The following LARP6 variants were observed in gnomAD, a reference collection of about 807,000 sequenced individuals.
The protein encoded by LARP6 is La ribonucleoprotein 6, translational regulator.
A neutral mutation model predicts 32.8 loss-of-function variants in LARP6; 18 were observed. The ratio of observed to expected loss-of-function variants is 0.55; its 90% confidence interval spans 0.38 to 0.81. The LOEUF is 0.81. Ranked by LOEUF, LARP6 falls within the 40% of genes least tolerant of loss-of-function variation. The pLI, the probability that LARP6 is intolerant of heterozygous loss-of-function variation, is 0.00. For missense variants in LARP6, 598 were observed against 663.1 expected, an observed-to-expected ratio of 0.90 and a Z score of 1.08; for synonymous variants, 289 against 267.2, an observed-to-expected ratio of 1.08 and a Z score of -0.80.
intron 1 of LARP6, among the ~76,000 whole-genome samples, chr15:70,841,997 T>A (rs1387665206): frequency 6.6e-6 from 1 of 152,082 alleles, no homozygotes; most frequent in Non-Finnish European, 1.5e-5. Context: ...GACTTACTCT[T>A]TTCTGATTCT....
In LARP6 at chr15:70,853,924, G is replaced by A; in HGVS notation, c.165C>T (p.Gly55=). 2.8e-6 allele frequency: 4 copies of A among 1,407,690 alleles called. No individual in the cohort carries two copies. The highest frequency in any genetic ancestry group is 3.1e-5 in the East Asian group (1 of 31,992). The allele number at this position is 1,407,690 out of a possible 1,614,324, so 87.2% of individuals were successfully genotyped here. ...GGCTCGGCTCCTCCTCGCTCGCGCT[G>A]CCCCAGCCGGGGCTGAGGTACCGGG... ...DPARYLSPGW[G]SASEEEPSRG... is the part of the protein sequence containing the mutation. Residue 55 remains glycine (G), a synonymous_variant, in exon 1 of 3, where the codon GGC becomes GGT. Transcript: ENST00000299213.
At chr15:70,848,807 A>C (rs2032393960) in intron 1 of LARP6, 1 of 152,180 alleles carries the variant, frequency 6.6e-6, no homozygotes, top group Non-Finnish European at 1.5e-5. Flanking sequence ...TCCCAAAAAC[A>C]TCATGGAAAA....
At chr15:70,842,167 TC>T (rs2032269851) in intron 1 of LARP6, among the ~76,000 whole-genome samples, 2 of 152,092 alleles carry the variant, frequency 1.3e-5, no homozygotes, top group Admixed American at 6.6e-5. Flanking sequence ...CATCTCAGCC[TC>T]CCAAGTAGCT....
rs1019905321 is a variant in LARP6, at chr15:70,829,693, A to G, written c.*2359T>C. 6.6e-6 allele frequency: 1 copy of G among 151,998 alleles called. No individual in the cohort carries two copies. Among genetic ancestry groups the G allele is most frequent in the African/African-American group, 2.4e-5 (1 of 41,426 alleles). 9.4% of individuals were successfully genotyped at this position (151,998 alleles called of 1,614,324 possible). A position where few individuals can be genotyped will look rare whatever the true frequency, so the allele number is the denominator to read the frequency against. ...AAATAAATGACTTGCTGAAGGTCAC[A>G]GTTGCTTAGTAGAAAAGCCACGACT... On this transcript the variant is annotated 3_prime_UTR_variant, in exon 3 of 3. Coordinates refer to ENST00000299213, the MANE Select transcript of LARP6 (RefSeq NM_018357.4).
In LARP6 at chr15:70,836,292, C is replaced by T; in HGVS notation, c.411+3G>A. 1.2e-6 allele frequency: 2 copies of T among 1,613,744 alleles called. No homozygotes were observed. Among genetic ancestry groups the T allele is most frequent in the Non-Finnish European group, 1.7e-6 (2 of 1,179,604 alleles). On this transcript the variant is annotated splice_donor_region_variant and intron_variant, in intron 2 of 2. Coordinates refer to ENST00000299213, the MANE Select transcript of LARP6 (RefSeq NM_018357.4). ...GAAGCAGCTTCTGAGAACCAAGCCT[C>T]ACCTTTTTGAAGGATGTGAGTAGCT...
chr15:70,842,618 G>A (rs572227392), intron 1 of LARP6, among the ~76,000 whole-genome samples: 1 of 152,116 alleles, frequency 6.6e-6, no homozygotes, highest in African/African-American at 2.4e-5. Context: ...CCTGACCTCA[G>A]GCAGGACTGA....
At chr15:70,849,485 G>A (rs2032409087) in intron 1 of LARP6, 1 of 152,186 alleles carries the variant, frequency 6.6e-6, no homozygotes, top group Non-Finnish European at 1.5e-5. Context: ...CCAGGTCTTA[G>A]TTTCTAAATA....
At chr15:70,838,945 G>T (rs2032200576) in intron 1 of LARP6, among the ~76,000 whole-genome samples, 1 of 147,472 alleles carries the variant, frequency 6.8e-6, no homozygotes, top group Non-Finnish European at 1.5e-5. Flanking sequence ...AGCAACTGTG[G>T]AATACTCAAA....
rs970569057 is a variant in LARP6 at position 70,850,162 on chromosome 15, G to A, written c.200+3727C>T. ...AAACCTACCAAGACTGAATTATGAAGAGACAGAAAATCTGAACAGACCAAT... is the reference window on the plus strand; with the variant it reads ...AAACCTACCAAGACTGAATTATGAAAAGACAGAAAATCTGAACAGACCAAT... On this transcript the variant is annotated intron_variant, in intron 1 of 2. Coordinates refer to ENST00000299213, the MANE Select transcript of LARP6 (RefSeq NM_018357.4). Among the ~76,000 whole-genome samples the A allele has an allele frequency of 2.6e-5, 4 of 152,270 alleles. No homozygotes were observed. In the South Asian group the frequency reaches 8.3e-4, roughly 32 times the overall value.
chr15:70,841,012 C>T (rs1412438513), intron 1 of LARP6, among the ~76,000 whole-genome samples: 1 of 151,050 alleles, frequency 6.6e-6, no homozygotes, highest in Non-Finnish European at 1.5e-5. Context: ...CTCCTGGGTT[C>T]ATGCCATTCT....
At chr15:70,853,772 CG>C in intron 1 of LARP6, 116 bp downstream of exon 1, 1 of 748,526 alleles carries the variant, frequency 1.3e-6, no homozygotes, top group Non-Finnish European at 1.8e-6. Flanking sequence ...TCCCCGGCGG[CG>C]GGGCTGACTC....
At chr15:70,839,772 G>A (rs972684326) in intron 1 of LARP6, among the ~76,000 whole-genome samples, 2 of 152,084 alleles carry the variant, frequency 1.3e-5, no homozygotes, top group Admixed American at 1.3e-4. Context: ...TACTCTAGAG[G>A]CTATAAAAAC....
In LARP6 at chr15:70,832,462, C is replaced by T. The variant is rs370193720; in HGVS notation, c.1066G>A (p.Ala356Thr). The change falls in exon 3 of 3, where the codon GCG (alanine) becomes ACG (threonine). Residue 356 changes from alanine to threonine, a missense_variant. Transcript: ENST00000299213. Reference sequence around the variant, plus strand: ...GACGGGCTGAGCTTGTTGGTGGCCGCGTGCCGTCGGCCCGCCATAGGGGAT... The same window carrying T: ...GACGGGCTGAGCTTGTTGGTGGCCGTGTGCCGTCGGCCCGCCATAGGGGAT... ...PTSPMAGRRH[A>T]ATNKLSPSGH... 71 of 1,550,438 alleles carry T rather than the reference C, an allele frequency of 4.6e-5. No homozygotes were observed. The highest frequency in any genetic ancestry group is 5.6e-5 in the Non-Finnish European group (64 of 1,151,426).
chr15:70,838,898 G>T (rs2032197465), intron 1 of LARP6, among the ~76,000 whole-genome samples: 1 of 128,878 alleles, frequency 7.8e-6, no homozygotes, highest in Non-Finnish European at 1.6e-5. Context: ...AATTTTCACT[G>T]GCTCTCAGCC....
In LARP6 at chr15:70,836,524, A is replaced by T; in HGVS notation, c.201-19T>A. The T allele has an allele frequency of 3.1e-6, 5 of 1,607,850 alleles. No individual in the cohort carries two copies. Among genetic ancestry groups the T allele is most frequent in the Non-Finnish European group, 4.3e-6 (5 of 1,174,282 alleles). On this transcript the variant is annotated intron_variant, in intron 1 of 2. Coordinates refer to ENST00000299213, the MANE Select transcript of LARP6 (RefSeq NM_018357.4). The stretch of plus-strand genomic sequence containing the variant: ...GGTGCCACTGAGACCAGAAGGAGAC[A>T]CCGGGTGTTAGGGTCAACGTTGAAC...
intron 1 of LARP6, among the ~76,000 whole-genome samples, chr15:70,843,059 A>T (rs2032284573): frequency 6.6e-6 from 1 of 152,170 alleles, no homozygotes; most frequent in African/African-American, 2.4e-5. Context: ...CTTATTGCCG[A>T]TTACAACCAT....
At chr15:70,841,192 C>A (rs1056440885) in intron 1 of LARP6, among the ~76,000 whole-genome samples, 1 of 152,176 alleles carries the variant, frequency 6.6e-6, no homozygotes. Context: ...GGATTACAGG[C>A]GTGAGCCACC....
intron 1 of LARP6, among the ~76,000 whole-genome samples, chr15:70,843,649 CTTTTTTTTTTTTT>C (rs67996815): frequency 2.5e-5 from 2 of 80,590 alleles, no homozygotes; most frequent in African/African-American, 9.0e-5. Context: ...GTTTTGGTGT[CTTTTTTTTTTTTT>C]TTTTTTTTTT....
chr15:70,833,599 C>A (rs890121752), intron 2 of LARP6, among the ~76,000 whole-genome samples: 1 of 152,188 alleles, frequency 6.6e-6, no homozygotes, highest in Non-Finnish European at 1.5e-5. Flanking sequence ...TATGTACAGA[C>A]ACATACAAAC....
Sources: allele counts gnomAD v4.1 joint callset (sites outside exome capture counted in the v4.1 genomes callset), GRCh38; gene constraint gnomAD v4.1.1; transcripts MANE v1.5; gene names NCBI Gene and HGNC (gene_info 2026-07-23, HGNC 2026-07-21).